The following FCSK variants were observed in gnomAD, a reference collection of about 807,000 sequenced individuals.
FCSK encodes the protein fucose kinase, also known as L-fucose kinase.
A neutral mutation model predicts 122.5 loss-of-function variants in FCSK; 123 were observed. That is an observed-to-expected ratio of 1.00 (90% confidence interval 0.87 to 1.17). The LOEUF (loss-of-function observed/expected upper bound fraction) is 1.17. Ranked by LOEUF, FCSK falls within the 50% of genes most tolerant of loss-of-function variation. The pLI is 0.00. For synonymous variants in FCSK, 620 were observed against 625.5 expected (o/e 0.99, Z 0.13); for missense variants, 1,366 against 1,450.4 (o/e 0.94, Z 0.95).
chr16:70,465,867 T>C (rs1170670950), intron 4 of FCSK, among the ~76,000 whole-genome samples: 1 of 152,060 alleles, frequency 6.6e-6, no homozygotes, highest in Non-Finnish European at 1.5e-5. Context: ...GCATGAGAAT[T>C]GCTTGAACCC....
intron 22 of FCSK, chr16:70,478,968 C>T: frequency 1.5e-6 from 1 of 668,516 alleles, no homozygotes; most frequent in Non-Finnish European, 2.7e-6. Flanking sequence ...TCCCTAGATG[C>T]CGACTATGCT....
rs772723684 is a variant in FCSK at position 70,474,293 on chromosome 16, G to C, written c.1942G>C (p.Ala648Pro). 4 of 1,613,646 alleles carry C rather than the reference G, an allele frequency of 2.5e-6. No individual in the cohort carries two copies. Among genetic ancestry groups the C allele is most frequent in the Non-Finnish European group, 3.4e-6 (4 of 1,179,958 alleles). ...ATACCTGGAGTGTGGAGACCTGGCAGCGGGCGTGGAGGCGCTTGCCCAGGA... is the reference window on the plus strand; with the variant it reads ...ATACCTGGAGTGTGGAGACCTGGCACCGGGCGTGGAGGCGCTTGCCCAGGA... ...FSYLECGDLA[A>P]GVEALAQERD... The change falls in exon 16 of 24, where the codon GCG becomes CCG. Residue 648 changes from alanine to proline, a missense_variant. By Grantham distance (27) the Ala-to-Pro change is conservative. Coordinates refer to ENST00000288078, the MANE Select transcript of FCSK (RefSeq NM_145059.3).
intron 1 of FCSK, among the ~76,000 whole-genome samples, chr16:70,459,335 G>C (rs1367999501): frequency 6.6e-6 from 1 of 152,032 alleles, no homozygotes; most frequent in Non-Finnish European, 1.5e-5. Flanking sequence ...TCAAAAGTTT[G>C]AGACCAGCCT....
intron 11 of FCSK, among the ~76,000 whole-genome samples, chr16:70,470,734 G>A (rs1444762857): frequency 6.6e-6 from 1 of 152,178 alleles, no homozygotes; most frequent in East Asian, 1.9e-4. Flanking sequence ...CTGAGGAAGG[G>A]GACAGGTAGG....
chr16:70,466,193 C>T lies in FCSK; in HGVS notation c.347C>T (p.Pro116Leu), dbSNP rs766808145. The change falls in exon 5 of 24, where the codon CCC (proline) becomes CTC (leucine). Residue 116 changes from proline to leucine, a missense_variant. Coordinates refer to ENST00000288078, the MANE Select transcript of FCSK (RefSeq NM_145059.3). ...RAFTCLPVENPEAPVEALVCN... is the reference protein window; with the variant it reads ...RAFTCLPVENLEAPVEALVCN... ...TTCACCTGCCTCCCCGTGGAGAACC[C>T]CGAGGCCCCCGTGGAAGCCTTGGTC... The T allele has an allele frequency of 1.9e-6, 3 of 1,613,890 alleles. No homozygotes were observed. The highest frequency in any genetic ancestry group is 1.7e-6 in the Non-Finnish European group (2 of 1,179,910).
chr16:70,461,100 G>GTT (rs2048250928), intron 1 of FCSK, among the ~76,000 whole-genome samples: 1 of 152,214 alleles, frequency 6.6e-6, no homozygotes, highest in African/African-American at 2.4e-5. Flanking sequence ...AGGCGTGGGT[G>GTT]TTGCTGAGTG....
Position 70,470,961 on chromosome 16 carries a change from G to T in FCSK, c.1069-10G>T. The stretch of plus-strand genomic sequence containing the variant: ...GACCCCCCTCATGCTCCTCCTACCT[G>T]GCTGCACAGGAGCAGCAGCTTCTGG... On this transcript the variant is annotated splice_polypyrimidine_tract_variant and intron_variant, in intron 11 of 23. Transcript: ENST00000288078. 1.3e-6 allele frequency: 2 copies of T among 1,570,056 alleles called. No homozygotes were observed. The highest frequency in any genetic ancestry group is 1.8e-5 in the Admixed American group (1 of 54,256).
intron 5 of FCSK, chr16:70,466,532 A>G: frequency 2.1e-6 from 1 of 473,330 alleles, no homozygotes; most frequent in Non-Finnish European, 3.8e-6. Flanking sequence ...ATCTCTACAA[A>G]AAAATTTTTA....
intron 11 of FCSK, 114 bp from the exon 12 acceptor site, chr16:70,470,857 G>T: frequency 1.1e-6 from 1 of 881,208 alleles, no homozygotes; most frequent in Non-Finnish European, 1.7e-6. Flanking sequence ...GGGTGCTGCA[G>T]GGCAGGGGAG....
At chr16:70,478,744 AGCTCCAGATATTCG>A in intron 22 of FCSK, 94 bp downstream of exon 22, 1 of 1,010,752 alleles carries the variant, frequency 9.9e-7, no homozygotes, top group Non-Finnish European at 1.5e-6. Flanking sequence ...GCTTGGCACA[AGCTCCAGATATTCG>A]GCCTCTGGGA....
At chr16:70,457,972 C>T (rs2048141941) in intron 1 of FCSK, 1 of 151,198 alleles carries the variant, frequency 6.6e-6, no homozygotes, top group Non-Finnish European at 1.5e-5. Context: ...TCCAAAAGAC[C>T]CAGGTGTGTT....
In FCSK at chr16:70,478,352, G is replaced by A. The variant is rs2048881150; in HGVS notation, c.2722G>A (p.Val908Met). Residue 908 changes from valine (V) to methionine (M), a missense_variant, in exon 21 of 24, where the codon GTG (valine) becomes ATG (methionine). By Grantham distance (21) the Val-to-Met change is conservative (BLOSUM62 1). Transcript: ENST00000288078. ...CTCCCGGGCTCAGCTGCCACTGAAG[G>A]TGGAGGTAGAAGAGGTCACGGTGCC... is the stretch of plus-strand genomic sequence containing the variant. ...GRSRAQLPLKVEVEEVTVPEG... is the reference protein window; with the variant it reads ...GRSRAQLPLKMEVEEVTVPEG... The A allele has an allele frequency of 1.9e-6, 3 of 1,614,120 alleles. No homozygotes were observed. The highest frequency in any genetic ancestry group is 1.3e-5 in the African/African-American group (1 of 74,946).
chr16:70,461,509 A>G (rs555652451), intron 1 of FCSK, among the ~76,000 whole-genome samples: 16 of 152,170 alleles, frequency 1.1e-4, no homozygotes, highest in African/African-American at 3.4e-4. Flanking sequence ...CTTTCCCCCT[A>G]CTTGCTGAGA....
chr16:70,475,061 G>T, intron 18 of FCSK, 50 bp downstream of exon 18: 1 of 1,502,500 alleles, frequency 6.7e-7, no homozygotes, highest in South Asian at 1.2e-5. Flanking sequence ...CTGGGGGCTC[G>T]GGGCAGAAGC....
Position 70,463,666 on chromosome 16 carries a change from G to T in FCSK, c.126G>T (p.Thr42=), listed in dbSNP as rs375564886. ...AGCGGGAGCAGATCCCTGCTGGGAC[G>T]CTGTTACTGGCCGTGGAGGACCCAG... The part of the protein sequence containing the change: ...RQKREQIPAG[T]LLLAVEDPEK... Residue 42 remains threonine, a synonymous_variant, in exon 3 of 24, where the codon ACG becomes ACT. Coordinates refer to ENST00000288078, the MANE Select transcript of FCSK (RefSeq NM_145059.3). 1 of 1,613,392 alleles carries T rather than the reference G, an allele frequency of 6.2e-7. No individual in the cohort carries two copies. Among genetic ancestry groups the T allele is most frequent in the Non-Finnish European group, 8.5e-7 (1 of 1,180,016 alleles).
In FCSK at chr16:70,474,624, A is replaced by G; in HGVS notation, c.2085A>G (p.Thr695=). 1.9e-6 allele frequency: 3 copies of G among 1,590,246 alleles called. No homozygotes were observed. The highest frequency in any genetic ancestry group is 2.6e-6 in the Non-Finnish European group (3 of 1,168,400). The change falls in exon 17 of 24, where the codon ACA becomes ACG. Residue 695 remains threonine (T), a synonymous_variant. Transcript: ENST00000288078. ...AVMSAQHFVS[T]EQVELPGPGQ... is the part of the protein sequence containing the mutation. ...TGTCAGCCCAGCACTTTGTCTCCAC[A>G]GAGCAGGTGGAACTGCCGGGACCTG...
At position 70,473,066 on chromosome 16, in the gene FCSK, C is replaced by T. The variant is rs768652412; in HGVS notation, c.1490C>T (p.Ser497Leu). The change falls in exon 15 of 24, where the codon TCG (serine) becomes TTG (leucine). Residue 497 changes from serine to leucine, a missense_variant. Ser to Leu is a moderately radical substitution (Grantham distance 145, BLOSUM62 -2). Coordinates refer to ENST00000288078, the MANE Select transcript of FCSK (RefSeq NM_145059.3). This position sits in a 1 kb window ranked among gnomAD's most constrained non-coding sequence, Gnocchi z 4.9. ...CGCCTCTTTCCTGTGCTCCACCCCT[C>T]GAGGGAGCTGGGACCCCAGGACCTG... ...SARLFPVLHPSRELGPQDLLW... is the reference protein window; with the variant it reads ...SARLFPVLHPLRELGPQDLLW... 25 of 1,590,190 alleles carry T rather than the reference C, an allele frequency of 1.6e-5. No individual in the cohort carries two copies. Among genetic ancestry groups the T allele is most frequent in the South Asian group, 4.6e-5 (4 of 87,538 alleles).
intron 1 of FCSK, among the ~76,000 whole-genome samples, chr16:70,457,514 C>T (rs189290947): frequency 7.9e-5 from 12 of 152,290 alleles, no homozygotes; most frequent in East Asian, 3.9e-4. Flanking sequence ...TTTGGCCTCC[C>T]GAAGTGCTGG....
intron 20 of FCSK, 161 bp from the exon 21 acceptor site, chr16:70,478,111 T>C (rs2048870956): frequency 1.5e-6 from 1 of 655,458 alleles, no homozygotes; most frequent in Non-Finnish European, 2.6e-6. Flanking sequence ...CTTGCTGGGA[T>C]TGTTCTGGGG....
Sources: allele counts gnomAD v4.1 joint callset (sites outside exome capture counted in the v4.1 genomes callset), GRCh38; gene constraint gnomAD v4.1.1; non-coding constraint Gnocchi (gnomAD v3.1); transcripts MANE v1.5; gene names NCBI Gene and HGNC (gene_info 2026-07-23, HGNC 2026-07-21).